ARHGEF33: variants seen among roughly 807,000 people sequenced by gnomAD.
ARHGEF33 encodes Rho guanine nucleotide exchange factor 33, also known as DH and coiled-coil domain-containing protein ENSP00000381780.
A neutral mutation model predicts 101.9 loss-of-function variants in ARHGEF33; 72 were observed. The ratio of observed to expected loss-of-function variants is 0.71; its 90% CI spans 0.58 to 0.86. The LOEUF (loss-of-function observed/expected upper bound fraction) is 0.86. Ranked by LOEUF, ARHGEF33 falls within the 40% of genes least tolerant of loss-of-function variation. The pLI, the probability that ARHGEF33 is intolerant of heterozygous loss-of-function variation, is 0.00. For synonymous variants in ARHGEF33, 499 were observed against 442.5 expected (o/e 1.13, Z -1.60); for missense variants, 1,169 against 1,111.3 (o/e 1.05, Z -0.74).
chr2:38,941,789 C>T (rs1043879844), intron 9 of ARHGEF33, among the ~76,000 whole-genome samples: 6 of 152,138 alleles, frequency 3.9e-5, no homozygotes, highest in Non-Finnish European at 7.4e-5. Flanking sequence ...TCGTGATCCG[C>T]CCACCCCGGC....
chr2:38,919,614 T>C, intron 3 of ARHGEF33, 142 bp downstream of exon 3: 1 of 915,592 alleles, frequency 1.1e-6, no homozygotes, highest in South Asian at 1.6e-5. Context: ...ATGAAGAATA[T>C]AGACTGGGTG....
At chr2:38,946,168 C>T (rs944658100) in intron 10 of ARHGEF33, among the ~76,000 whole-genome samples, 3 of 152,182 alleles carry the variant, frequency 2.0e-5, no homozygotes, top group Non-Finnish European at 4.4e-5. Context: ...CTCCAGCAGG[C>T]GGGAGGTCAT....
At chr2:38,958,223 G>C (rs1417960161) in intron 15 of ARHGEF33, 25 bp downstream of exon 15, 1 of 1,550,574 alleles carries the variant, frequency 6.4e-7, no homozygotes. Context: ...CTGTGGGAAG[G>C]TTAATGCCAA....
intron 17 of ARHGEF33, among the ~76,000 whole-genome samples, chr2:38,969,224 T>A (rs1416071279): frequency 6.6e-6 from 1 of 152,158 alleles, no homozygotes; most frequent in Non-Finnish European, 1.5e-5. Context: ...CAGCAAGCCC[T>A]GGGACTTTAA....
At chr2:38,953,605 C>T (rs149546347) in intron 12 of ARHGEF33, among the ~76,000 whole-genome samples, 1 of 152,160 alleles carries the variant, frequency 6.6e-6, no homozygotes, top group African/African-American at 2.4e-5. Context: ...TTCAGTCATC[C>T]TTTGTCAGTT....
chr2:38,961,593 C>G (rs752113869), intron 16 of ARHGEF33, among the ~76,000 whole-genome samples: 11 of 152,194 alleles, frequency 7.2e-5, no homozygotes, highest in Non-Finnish European at 1.3e-4. Context: ...AGTGATGACA[C>G]TGACTTTTCT....
At position 38,928,943 on chromosome 2, in the gene ARHGEF33, A is replaced by C; in HGVS notation, c.112A>C (p.Thr38Pro). The C allele has an allele frequency of 6.4e-7, 1 of 1,551,056 alleles. No individual in the cohort carries two copies. The highest frequency in any genetic ancestry group is 8.7e-7 in the Non-Finnish European group (1 of 1,146,658). ...AGCCTCCGAACTCAAAACTGGTTTC[A>C]CAGAAGCAATGCAAGAACTGTCAAG... Reference protein sequence around the residue: ...ALASELKTGFTEAMQELSRIQ... With the variant: ...ALASELKTGFPEAMQELSRIQ... Residue 38 changes from threonine to proline, a missense_variant, in exon 5 of 18, where the codon ACA becomes CCA. By Grantham distance (38) the Thr-to-Pro change is conservative. Coordinates refer to ENST00000409978, the MANE Select transcript of ARHGEF33 (RefSeq NM_001145451.5).
At chr2:38,932,417 G>C (rs1275433609) in intron 7 of ARHGEF33, among the ~76,000 whole-genome samples, 1 of 151,286 alleles carries the variant, frequency 6.6e-6, no homozygotes, top group Non-Finnish European at 1.5e-5. Context: ...GTGAGCCACC[G>C]TGCCCGGCTT....
chr2:38,906,056 A>G (rs1165856390), intron 2 of ARHGEF33, among the ~76,000 whole-genome samples: 1 of 152,100 alleles, frequency 6.6e-6, no homozygotes, highest in Non-Finnish European at 1.5e-5. Context: ...TCAGGGCAAC[A>G]TGACCTGGGA....
At chr2:38,956,693 C>A (rs1260681785) in intron 13 of ARHGEF33, among the ~76,000 whole-genome samples, 1 of 152,156 alleles carries the variant, frequency 6.6e-6, no homozygotes, top group Non-Finnish European at 1.5e-5. Context: ...CAAACAGGTA[C>A]GATAGTGACT....
chr2:38,935,870 G>A, intron 8 of ARHGEF33, 36 bp downstream of exon 8: 3 of 1,490,968 alleles, frequency 2.0e-6, no homozygotes, highest in Middle Eastern at 1.7e-4. Context: ...TTTTCTTCCA[G>A]CAATTCCATT....
chr2:38,936,560 A>C (rs1389671206), intron 8 of ARHGEF33, among the ~76,000 whole-genome samples: 3 of 152,246 alleles, frequency 2.0e-5, no homozygotes, highest in Non-Finnish European at 4.4e-5. Context: ...TGTATAAAGC[A>C]TAGAGGATGT....
chr2:38,915,203 G>A (rs1666604806), intron 2 of ARHGEF33, among the ~76,000 whole-genome samples: 1 of 151,938 alleles, frequency 6.6e-6, no homozygotes, highest in South Asian at 2.1e-4. Context: ...ATATAGGTGG[G>A]AAAGGTAGTT....
rs1320739192 is a variant in ARHGEF33 at position 38,951,072 on chromosome 2, C to T, written c.1004C>T (p.Pro335Leu). 6.4e-7 allele frequency: 1 copy of T among 1,551,798 alleles called. No individual in the cohort carries two copies. Among genetic ancestry groups the T allele is most frequent in the Non-Finnish European group, 8.7e-7 (1 of 1,146,970 alleles). The change falls in exon 11 of 18, where the codon CCA becomes CTA. Residue 335 changes from proline (P) to leucine (L), a missense_variant. Transcript: ENST00000409978. ...CTGCAGGAAAGGGTCCTGAAGTGGCCACGCCAAGGCGTTCTTGGAGATTTA... is the reference window on the plus strand; with the variant it reads ...CTGCAGGAAAGGGTCCTGAAGTGGCTACGCCAAGGCGTTCTTGGAGATTTA... ...HALQERVLKWPRQGVLGDLFL... is the reference protein window; with the variant it reads ...HALQERVLKWLRQGVLGDLFL...
At chr2:38,968,239 G>A (rs894258283) in intron 17 of ARHGEF33, among the ~76,000 whole-genome samples, 6 of 152,140 alleles carry the variant, frequency 3.9e-5, no homozygotes, top group Non-Finnish European at 8.8e-5. Flanking sequence ...AGCTGGCTGC[G>A]TCATGAAGGA....
In ARHGEF33 at chr2:38,959,899, C is replaced by G. The variant is rs561956321; in HGVS notation, c.1594C>G (p.Gln532Glu). The G allele has an allele frequency of 1.9e-4, 294 of 1,551,824 alleles. 2 individuals carry two copies. In the South Asian group the frequency reaches 3.2e-3, roughly 17 times the overall value. ...GCAGCAAAGCCTGATGGAGAGCATGCAGCCCGGGAAGCCCAGTGACTGGGA... is the reference window on the plus strand; with the variant it reads ...GCAGCAAAGCCTGATGGAGAGCATGGAGCCCGGGAAGCCCAGTGACTGGGA... The part of the protein sequence containing the change: ...QQQQSLMESM[Q>E]PGKPSDWELE... Residue 532 changes from glutamine (Q) to glutamate (E), a missense_variant, in exon 16 of 18, where the codon CAG (glutamine) becomes GAG (glutamate). Gln to Glu is a conservative substitution (Grantham distance 29). Coordinates refer to ENST00000409978, the MANE Select transcript of ARHGEF33 (RefSeq NM_001145451.5).
At chr2:38,941,169 G>A (rs892682636) in intron 9 of ARHGEF33, among the ~76,000 whole-genome samples, 1 of 151,926 alleles carries the variant, frequency 6.6e-6, no homozygotes, top group African/African-American at 2.4e-5. Context: ...TAAACTTTTG[G>A]CCTTTCATTA....
At chr2:38,928,715 A>C (rs1333776814) in intron 4 of ARHGEF33, 192 bp from the exon 5 acceptor site, 1 of 456,772 alleles carries the variant, frequency 2.2e-6, no homozygotes. Context: ...GCTATATATA[A>C]AGAAGACACT....
At chr2:38,962,679 T>C (rs948853888) in intron 16 of ARHGEF33, among the ~76,000 whole-genome samples, 1 of 152,006 alleles carries the variant, frequency 6.6e-6, no homozygotes, top group Non-Finnish European at 1.5e-5. Context: ...CCATTACTTA[T>C]TTCTGTTTCT....
Sources: allele counts gnomAD v4.1 joint callset (sites outside exome capture counted in the v4.1 genomes callset), GRCh38; gene constraint gnomAD v4.1.1; transcripts MANE v1.5; gene names NCBI Gene and HGNC (gene_info 2026-07-23, HGNC 2026-07-21).